The following RMND5A variants were observed in gnomAD, a reference collection of about 807,000 sequenced individuals.
RMND5A encodes E3 ubiquitin-protein transferase RMND5A.
A neutral mutation model predicts 49.7 loss-of-function variants in RMND5A; 17 were observed. The ratio of observed to expected loss-of-function variants is 0.34; its 90% CI spans 0.23 to 0.51. The LOEUF (loss-of-function observed/expected upper bound fraction) is 0.51. Among genes scored for constraint, RMND5A ranks in the 20% least tolerant of loss-of-function variants. The pLI is 0.96. For missense variants in RMND5A, 255 were observed against 471.3 expected (o/e 0.54, Z 4.25); for synonymous variants, 156 against 167.7 (o/e 0.93, Z 0.54).
chr2:86,760,527 C>T (rs984250993), intron 4 of RMND5A, among the ~76,000 whole-genome samples: 2 of 152,242 alleles, frequency 1.3e-5, no homozygotes, highest in African/African-American at 4.8e-5. Context: ...GCTCTTCAGT[C>T]TACACATCTG....
At chr2:86,752,243 T>A (rs533793465) in intron 3 of RMND5A, among the ~76,000 whole-genome samples, 1 of 152,294 alleles carries the variant, frequency 6.6e-6, no homozygotes, top group East Asian at 1.9e-4. Flanking sequence ...ATCCAGATCA[T>A]TTTTTTCTTG....
At position 86,720,965 on chromosome 2, in the gene RMND5A, C is replaced by T. The variant is rs976188809; in HGVS notation, c.142+156C>T. 5.5e-5 allele frequency: 33 copies of T among 596,856 alleles called. No homozygotes were observed. The Admixed American group carries it at 7.8e-4, about 14-fold the overall frequency. 37.0% of individuals were successfully genotyped at this position (596,856 alleles called of 1,614,324 possible). A position where few individuals can be genotyped will look rare whatever the true frequency, so the allele number is the denominator to read the frequency against. On this transcript the variant is annotated intron_variant, in intron 1 of 8. Coordinates refer to ENST00000283632, the MANE Select transcript of RMND5A (RefSeq NM_022780.4). ...CCCCAGACCCCTGAGACTTTTTCCC[C>T]TCTTCGTCCGATTTACCTCGAACCT...
intron 8 of RMND5A, among the ~76,000 whole-genome samples, 174 bp downstream of exon 8, chr2:86,771,886 CTA>C (rs1406264469): frequency 6.6e-6 from 1 of 152,062 alleles, no homozygotes; most frequent in Non-Finnish European, 1.5e-5. Flanking sequence ...TTTAATGTGT[CTA>C]TGGATTTGGT....
chr2:86,729,236 G>A (rs865908150), intron 1 of RMND5A, among the ~76,000 whole-genome samples: 1 of 152,184 alleles, frequency 6.6e-6, no homozygotes, highest in African/African-American at 2.4e-5. Flanking sequence ...ATTTGAAAGG[G>A]GGAAAAAACA....
At chr2:86,767,581 A>G (rs1672623090) in intron 6 of RMND5A, among the ~76,000 whole-genome samples, 2 of 152,080 alleles carry the variant, frequency 1.3e-5, no homozygotes, top group Admixed American at 6.6e-5. Context: ...TCACCCAGCC[A>G]TTTTTTTAAG....
At chr2:86,737,559 C>G in intron 1 of RMND5A, among the ~76,000 whole-genome samples, 1 of 65,738 alleles carries the variant, frequency 1.5e-5, no homozygotes, top group Non-Finnish European at 2.9e-5. Context: ...TCATATAGTC[C>G]CATGCATTAA....
intron 2 of RMND5A, among the ~76,000 whole-genome samples, chr2:86,746,133 C>A (rs999334349): frequency 1.3e-5 from 2 of 152,120 alleles, no homozygotes; most frequent in South Asian, 2.1e-4. Flanking sequence ...CCAGAACTGC[C>A]TTTTATGTTG....
At position 86,720,722 on chromosome 2, in the gene RMND5A, T is replaced by A; in HGVS notation, c.55T>A (p.Ser19Thr). 1 of 1,586,904 alleles carries A rather than the reference T, an allele frequency of 6.3e-7. No homozygotes were observed. The highest frequency in any genetic ancestry group is 8.6e-7 in the Non-Finnish European group (1 of 1,167,828). Residue 19 changes from serine to threonine, a missense_variant, in exon 1 of 9, where the codon TCA (serine) becomes ACA (threonine). By Grantham distance (58) the Ser-to-Thr change is moderately conservative (BLOSUM62 1). Coordinates refer to ENST00000283632, the MANE Select transcript of RMND5A (RefSeq NM_022780.4). ...GCTGGAGAAGGTGCTGCACAAGTTC[T>A]CAGGCTACGGGCAGCTGTGCGAGCG... ...RELEKVLHKF[S>T]GYGQLCERGL...
At position 86,720,467 on chromosome 2, in the gene RMND5A, G is replaced by C. The variant is rs913280155; in HGVS notation, c.-201G>C. On this transcript the variant is annotated 5_prime_UTR_variant, in exon 1 of 9. Coordinates refer to ENST00000283632, the MANE Select transcript of RMND5A (RefSeq NM_022780.4). ...GGGAGCAGCGGCGACTCGCCGGGGG[G>C]CTAGGGCGCCATGGGGCAGGCGGGC... 140 of 232,582 alleles carry C rather than the reference G, an allele frequency of 6.0e-4. No homozygotes were observed. Among genetic ancestry groups the C allele is most frequent in the African/African-American group, 3.0e-3 (130 of 43,156 alleles). The allele number at this position is 232,582 out of a possible 1,614,324, so 14.4% of individuals were successfully genotyped here.
At chr2:86,760,434 G>A (rs1262137470) in intron 4 of RMND5A, among the ~76,000 whole-genome samples, 1 of 152,158 alleles carries the variant, frequency 6.6e-6, no homozygotes, top group Non-Finnish European at 1.5e-5. Context: ...AATAACACCT[G>A]GCTGCCAACA....
rs913089329 is a variant in RMND5A at position 86,720,337 on chromosome 2, A to T, written c.-331A>T. 6.5e-6 allele frequency: 1 copy of T among 153,188 alleles called. No individual in the cohort carries two copies. Among genetic ancestry groups the T allele is most frequent in the Non-Finnish European group, 1.5e-5 (1 of 68,812 alleles). The allele number at this position is 153,188 out of a possible 1,614,324, so 9.5% of individuals were successfully genotyped here. On this transcript the variant is annotated 5_prime_UTR_variant, in exon 1 of 9. Coordinates refer to ENST00000283632, the MANE Select transcript of RMND5A (RefSeq NM_022780.4). The stretch of plus-strand genomic sequence containing the variant: ...TGGTGCCGCCCGGGAGAACCAGGTC[A>T]TCGGTCGGTTCCCGTGAAAACAAAA...
intron 4 of RMND5A, among the ~76,000 whole-genome samples, chr2:86,764,343 T>C (rs542318687): frequency 1.3e-5 from 2 of 152,246 alleles, no homozygotes; most frequent in African/African-American, 2.4e-5. Flanking sequence ...TTTCCTGCCT[T>C]TGCCCTCACC....
chr2:86,768,392 T>C (rs977460781), intron 6 of RMND5A, among the ~76,000 whole-genome samples: 6 of 152,186 alleles, frequency 3.9e-5, no homozygotes, highest in Admixed American at 3.9e-4. Flanking sequence ...CATCCTAGCG[T>C]AGGAGTGGAC....
At position 86,757,174 on chromosome 2, in the gene RMND5A, C is replaced by CAAAAAAA. The variant is rs60710494; in HGVS notation, c.521+3643_521+3649dup. Reference sequence around the variant, plus strand: ...GGGCAACAAGAGTGAAACTCAGTCTCAAAAAAAAAAAAAAAAAAAAAAAAA... The same window carrying CAAAAAAA: ...GGGCAACAAGAGTGAAACTCAGTCTCAAAAAAAAAAAAAAAAAAAAAAAAAAAAAAAA... On this transcript the variant is annotated intron_variant, in intron 4 of 8. Transcript: ENST00000283632. Among the ~76,000 whole-genome samples the CAAAAAAA allele has an allele frequency of 2.3e-3, 227 of 97,912 alleles. 3 individuals carry two copies. Among genetic ancestry groups the CAAAAAAA allele is most frequent in the African/African-American group, 6.4e-3 (157 of 24,642 alleles). The allele number at this position is 97,912 out of a possible 152,430, so 64.2% of individuals were successfully genotyped here.
chr2:86,754,433 A>G (rs1681693748), intron 4 of RMND5A, among the ~76,000 whole-genome samples: 1 of 152,268 alleles, frequency 6.6e-6, no homozygotes, highest in South Asian at 2.1e-4. Context: ...TTTTAAAACC[A>G]GAAAAATTAA....
At chr2:86,760,734 G>A (rs1399893253) in intron 4 of RMND5A, among the ~76,000 whole-genome samples, 1 of 141,066 alleles carries the variant, frequency 7.1e-6, no homozygotes, top group Non-Finnish European at 1.5e-5. Flanking sequence ...ACCTCTAGAA[G>A]TGAAATTGAA....
intron 4 of RMND5A, among the ~76,000 whole-genome samples, chr2:86,760,135 C>T (rs1321899442): frequency 6.6e-6 from 1 of 152,068 alleles, no homozygotes; most frequent in African/African-American, 2.4e-5. Context: ...ACCTCTGCCT[C>T]CCGAGTTCAA....
intron 2 of RMND5A, among the ~76,000 whole-genome samples, chr2:86,750,727 C>T (rs1371672666): frequency 6.6e-6 from 1 of 150,848 alleles, no homozygotes; most frequent in Non-Finnish European, 1.5e-5. Flanking sequence ...CGATGACACA[C>T]ACGTTAGAGC....
intron 4 of RMND5A, among the ~76,000 whole-genome samples, chr2:86,758,065 C>T (rs1681775534): frequency 6.6e-6 from 1 of 152,160 alleles, no homozygotes. Flanking sequence ...TTCACTGACT[C>T]CTTTTCTCAA....
Sources: gnomAD v4.1 joint callset for allele counts (sites outside exome capture counted in the v4.1 genomes callset) on GRCh38, gnomAD v4.1.1 for gene constraint, MANE v1.5 for transcripts, NCBI Gene and HGNC (gene_info 2026-07-23, HGNC 2026-07-21) for gene names.